The following CALN1 variants were observed in gnomAD, a reference collection of about 807,000 sequenced individuals.
CALN1 encodes calcium-binding protein 8.
In CALN1, 17 loss-of-function variants were observed where a neutral mutation model predicts 30.6. That is an observed-to-expected ratio of 0.56 (90% CI 0.38 to 0.83). The LOEUF is 0.83. Ranked by LOEUF, CALN1 falls within the 40% of genes least tolerant of loss-of-function variation. The pLI, the probability that CALN1 is intolerant of heterozygous loss-of-function variation, is 0.00. For missense variants in CALN1, 291 were observed against 354.9 expected (o/e 0.82, Z 1.45); for synonymous variants, 156 against 131.4 (o/e 1.19, Z -1.28).
intron 3 of CALN1, among the ~76,000 whole-genome samples, chr7:72,225,276 G>A (rs1793590794): frequency 6.6e-6 from 1 of 151,946 alleles, no homozygotes; most frequent in East Asian, 1.9e-4. Context: ...GTTCCTGTCT[G>A]AGACAGCAGG....
chr7:72,277,760 G>C (rs572785629), intron 3 of CALN1, among the ~76,000 whole-genome samples: 5 of 152,130 alleles, frequency 3.3e-5, no homozygotes, highest in South Asian at 2.1e-4. Context: ...GAGAAATGAG[G>C]CTCCCTAATG....
intron 2 of CALN1, among the ~76,000 whole-genome samples, chr7:72,294,239 A>C (rs991391544): frequency 1.3e-5 from 2 of 152,200 alleles, no homozygotes; most frequent in African/African-American, 2.4e-5. Flanking sequence ...AAGTTTATGA[A>C]GTAAATCATG....
At chr7:72,135,757 C>A (rs1809466183) in intron 3 of CALN1, among the ~76,000 whole-genome samples, 1 of 152,180 alleles carries the variant, frequency 6.6e-6, no homozygotes, top group Non-Finnish European at 1.5e-5. Context: ...CAAGAGTCAA[C>A]CTATCCTTTG....
intron 5 of CALN1, among the ~76,000 whole-genome samples, chr7:71,939,176 T>C (rs1795994559): frequency 6.6e-6 from 1 of 152,102 alleles, no homozygotes; most frequent in African/African-American, 2.4e-5. Context: ...GAATACTAGG[T>C]CATATCTTTT....
chr7:72,464,625 C>A, the CALN1 span, among the ~76,000 whole-genome samples: 1 of 152,106 alleles, frequency 6.6e-6, no homozygotes. Context: ...ATACATTGAA[C>A]CTGCAAGAGC....
At chr7:71,873,123 C>A (rs538334120) in intron 5 of CALN1, among the ~76,000 whole-genome samples, 6 of 151,234 alleles carry the variant, frequency 4.0e-5, no homozygotes, top group Non-Finnish European at 2.9e-5. Flanking sequence ...CCTGCCTCAG[C>A]GTCTTGAGTA....
chr7:72,324,649 T>G (rs750374759), intron 2 of CALN1, among the ~76,000 whole-genome samples: 34 of 152,036 alleles, frequency 2.2e-4, no homozygotes, highest in Non-Finnish European at 4.1e-4. Flanking sequence ...ATGGGGTAAC[T>G]TGGCTCACTG....
At chr7:71,856,927 C>T (rs894590482) in intron 5 of CALN1, among the ~76,000 whole-genome samples, 20 of 151,744 alleles carry the variant, frequency 1.3e-4, no homozygotes, top group African/African-American at 4.6e-4. Flanking sequence ...TGCACTCCAG[C>T]CTGGGTGACA....
chr7:71,838,676 G>C lies in CALN1; in HGVS notation c.502-28184C>G, dbSNP rs556873653. Among the ~76,000 whole-genome samples the C allele has an allele frequency of 2.7e-4, 41 of 152,314 alleles. No individual in the cohort carries two copies. The South Asian group carries it at 8.1e-3, about 30-fold the overall frequency. The stretch of plus-strand genomic sequence containing the variant: ...GTGTTGTGGGAGGAGCCCAGTGGGA[G>C]GTAATTGAATCATGGGGGAGGTTAC... On this transcript the variant is annotated intron_variant, in intron 5 of 6. Coordinates refer to ENST00000395275, the MANE Select transcript of CALN1 (RefSeq NM_031468.4).
intron 3 of CALN1, among the ~76,000 whole-genome samples, chr7:72,110,205 T>C (rs145821345): frequency 1.3e-5 from 2 of 152,240 alleles, no homozygotes; most frequent in East Asian, 3.9e-4. Context: ...AGCATCAACC[T>C]ACATCCTTAC....
At chr7:72,357,926 T>C (rs1159380122) in intron 2 of CALN1, among the ~76,000 whole-genome samples, 1 of 150,634 alleles carries the variant, frequency 6.6e-6, no homozygotes, top group Non-Finnish European at 1.5e-5. Context: ...TGCATCAGCC[T>C]CCTGAGTAGC....
intron 5 of CALN1, among the ~76,000 whole-genome samples, chr7:71,970,293 T>TG (rs1367550904): frequency 1.3e-5 from 2 of 152,200 alleles, no homozygotes; most frequent in African/African-American, 4.8e-5. Context: ...TTTAGATAAA[T>TG]GATTGCTTCC....
chr7:72,350,631 G>GAA (rs1802871913), intron 2 of CALN1, among the ~76,000 whole-genome samples: 1 of 152,078 alleles, frequency 6.6e-6, no homozygotes, highest in African/African-American at 2.4e-5. Context: ...CCTATTTGAG[G>GAA]GTGGAGCAGG....
intron 5 of CALN1, among the ~76,000 whole-genome samples, chr7:71,867,329 T>A (rs1476663172): frequency 6.6e-6 from 1 of 152,112 alleles, no homozygotes. Flanking sequence ...AAAATGTCCT[T>A]AGGGGAATGA....
chr7:71,984,942 C>T (rs775637756), intron 5 of CALN1, among the ~76,000 whole-genome samples: 9 of 152,118 alleles, frequency 5.9e-5, no homozygotes, highest in African/African-American at 2.2e-4. Flanking sequence ...GATGGAAGTT[C>T]TTTCTCTCTC....
At chr7:71,798,089 CAGAGAG>C (rs1451180868) in intron 6 of CALN1, among the ~76,000 whole-genome samples, 12,080 of 93,848 alleles carry the variant, frequency 0.13, 830 homozygotes, top group East Asian at 0.39. Context: ...CAGAGAGAGA[CAGAGAG>C]AGAGACAGAG....
intron 2 of CALN1, among the ~76,000 whole-genome samples, chr7:72,399,557 C>A (rs945934787): frequency 2.6e-5 from 4 of 152,120 alleles, no homozygotes; most frequent in Admixed American, 1.3e-4. Context: ...GCATGAGCCA[C>A]CGTGCCTGAC....
At chr7:72,103,128 A>T (rs1806811281) in intron 4 of CALN1, 1 of 151,932 alleles carries the variant, frequency 6.6e-6, no homozygotes, top group Admixed American at 6.6e-5. Context: ...TGGAGCAATG[A>T]AAATGTTCTA....
At chr7:72,222,161 G>A (rs1396154249) in intron 3 of CALN1, among the ~76,000 whole-genome samples, 1 of 152,040 alleles carries the variant, frequency 6.6e-6, no homozygotes, top group Non-Finnish European at 1.5e-5. Context: ...GAGAGGCAGA[G>A]ATTGCAGTGA....
Sources: gnomAD v4.1 joint callset for allele counts (sites outside exome capture counted in the v4.1 genomes callset) on GRCh38, gnomAD v4.1.1 for gene constraint, MANE v1.5 for transcripts, NCBI Gene and HGNC (gene_info 2026-07-23, HGNC 2026-07-21) for gene names.